BANK1: variants seen among roughly 807,000 people sequenced by gnomAD.
BANK1 encodes the protein B-cell scaffold protein with ankyrin repeats.
Under a neutral mutation model 94.5 loss-of-function variants are expected in BANK1, and 95 were observed. The ratio of observed to expected loss-of-function variants is 1.00; its 90% CI spans 0.85 to 1.19. The LOEUF (loss-of-function observed/expected upper bound fraction) is 1.19. Among genes scored for constraint, BANK1 ranks in the 50% most tolerant of loss-of-function variants. The pLI is 0.00. For synonymous variants in BANK1, 334 were observed against 308.4 expected, an observed-to-expected ratio of 1.08 and a Z score of -0.87; for missense variants, 987 against 932.2, an observed-to-expected ratio of 1.06 and a Z score of -0.77.
intron 5 of BANK1, among the ~76,000 whole-genome samples, chr4:101,877,377 CAG>C (rs1414801372): frequency 1.3e-5 from 2 of 152,140 alleles, no homozygotes; most frequent in Non-Finnish European, 2.9e-5. Flanking sequence ...CAGAGAAACA[CAG>C]AGAACTGTAA....
intron 7 of BANK1, among the ~76,000 whole-genome samples, chr4:101,971,333 G>A (rs1724945297): frequency 6.6e-6 from 1 of 152,032 alleles, no homozygotes. Flanking sequence ...TCTATTTGGT[G>A]GAAATTCTGA....
At chr4:102,038,994 T>C (rs150373338) in intron 10 of BANK1, among the ~76,000 whole-genome samples, 6 of 152,326 alleles carry the variant, frequency 3.9e-5, no homozygotes, top group African/African-American at 1.4e-4. Context: ...TTTTCCTTCA[T>C]GCAGCAGTGT....
At chr4:101,816,430 T>G (rs1725921261) in intron 1 of BANK1, among the ~76,000 whole-genome samples, 1 of 152,200 alleles carries the variant, frequency 6.6e-6, no homozygotes, top group East Asian at 1.9e-4. Context: ...CTCAAATATA[T>G]TACATGAACT....
chr4:101,998,245 C>A (rs1466138063), intron 7 of BANK1, among the ~76,000 whole-genome samples: 1 of 152,152 alleles, frequency 6.6e-6, no homozygotes, highest in Non-Finnish European at 1.5e-5. Flanking sequence ...GTTTCTTAAT[C>A]CTGAGTTCTA....
chr4:101,918,194 G>GTTTTT lies in BANK1; in HGVS notation c.1206+11_1206+15dup. The GTTTTT allele has an allele frequency of 8.5e-7, 1 of 1,173,106 alleles. No homozygotes were observed. Among genetic ancestry groups the GTTTTT allele is most frequent in the Non-Finnish European group, 1.2e-6 (1 of 848,228 alleles). The allele number at this position is 1,173,106 out of a possible 1,614,324, so 72.7% of individuals were successfully genotyped here. A position where few individuals can be genotyped will look rare whatever the true frequency, so the allele number is the denominator to read the frequency against. ...AAAATCTTCGAAGACTTTTCAGTAA[G>GTTTTT]TTTTTTTTTTAAATTATATCTCTGT... On this transcript the variant is annotated splice_donor_region_variant and intron_variant, in intron 7 of 16. Transcript: ENST00000322953.
At chr4:101,929,869 T>G (rs949030691) in intron 7 of BANK1, among the ~76,000 whole-genome samples, 1 of 151,448 alleles carries the variant, frequency 6.6e-6, no homozygotes, top group Non-Finnish European at 1.5e-5. Context: ...TAAAAAAAAT[T>G]TAATTGAAGT....
At chr4:101,993,482 G>A (rs892564811) in intron 7 of BANK1, among the ~76,000 whole-genome samples, 25 of 152,178 alleles carry the variant, frequency 1.6e-4, no homozygotes, top group African/African-American at 5.5e-4. Flanking sequence ...GTAAACTGGG[G>A]CGTGGAGGTA....
At chr4:101,901,893 C>T (rs551402044) in intron 6 of BANK1, among the ~76,000 whole-genome samples, 5 of 152,096 alleles carry the variant, frequency 3.3e-5, no homozygotes, top group African/African-American at 9.6e-5. Context: ...CCTGAGTAGC[C>T]GGGACTACAG....
chr4:101,856,306 C>T (rs754238963), intron 3 of BANK1, among the ~76,000 whole-genome samples: 4 of 152,030 alleles, frequency 2.6e-5, no homozygotes, highest in Non-Finnish European at 5.9e-5. Flanking sequence ...CCTTAGAGAC[C>T]CCAGGAAACG....
chr4:101,820,522 T>C (rs530034814), intron 1 of BANK1, among the ~76,000 whole-genome samples: 1 of 152,328 alleles, frequency 6.6e-6, no homozygotes, highest in African/African-American at 2.4e-5. Context: ...GTTTGTTACA[T>C]AGGTAAACTC....
At chr4:101,938,078 G>A (rs1224210780) in intron 7 of BANK1, among the ~76,000 whole-genome samples, 1 of 151,682 alleles carries the variant, frequency 6.6e-6, no homozygotes, top group Non-Finnish European at 1.5e-5. Flanking sequence ...ATGACACACT[G>A]GGGCCTGTCA....
intron 2 of BANK1, among the ~76,000 whole-genome samples, chr4:101,830,650 T>C (rs1726581579): frequency 6.6e-6 from 1 of 152,214 alleles, no homozygotes; most frequent in African/African-American, 2.4e-5. Flanking sequence ...ATGTAACCTT[T>C]AGATAAAAGA....
At chr4:101,795,649 A>G (rs1356408395) in intron 1 of BANK1, among the ~76,000 whole-genome samples, 1 of 152,200 alleles carries the variant, frequency 6.6e-6, no homozygotes, top group Non-Finnish European at 1.5e-5. Flanking sequence ...ACTATTGTAA[A>G]AAAGTGAGTG....
rs60348489 is a variant in BANK1, at chr4:101,997,785, G to C, written c.1207-23729G>C. On this transcript the variant is annotated intron_variant, in intron 7 of 16. Transcript: ENST00000322953. ...TGGTAATATCCCCTTTGTCATTTTT[G>C]ATTGTGTCTATTTGATTCTTCTCTC... Among the ~76,000 whole-genome samples the C allele has an allele frequency of 9.0e-4, 136 of 151,888 alleles. 1 individual carries two copies. Among genetic ancestry groups the C allele is most frequent in the African/African-American group, 3.1e-3 (128 of 41,468 alleles).
chr4:101,807,945 T>A (rs1725614845), intron 1 of BANK1, among the ~76,000 whole-genome samples: 1 of 151,526 alleles, frequency 6.6e-6, no homozygotes. Flanking sequence ...ATTAGCTGGC[T>A]GTGGTGGCGC....
At chr4:101,864,914 A>G (rs1484463277) in intron 4 of BANK1, among the ~76,000 whole-genome samples, 2 of 152,110 alleles carry the variant, frequency 1.3e-5, no homozygotes, top group Non-Finnish European at 2.9e-5. Context: ...CTCTGAAATG[A>G]GGATCTTTAA....
chr4:101,867,773 A>AATAC (rs1164969320), intron 4 of BANK1, among the ~76,000 whole-genome samples: 1 of 150,388 alleles, frequency 6.6e-6, no homozygotes, highest in Non-Finnish European at 1.5e-5. Flanking sequence ...AATATAAATA[A>AATAC]ATAAATAAAT....
intron 7 of BANK1, among the ~76,000 whole-genome samples, chr4:101,996,603 T>G (rs755696926): frequency 6.6e-6 from 1 of 152,218 alleles, no homozygotes; most frequent in Non-Finnish European, 1.5e-5. Flanking sequence ...CCTTATTTCC[T>G]TGAGCAGTGT....
intron 11 of BANK1, among the ~76,000 whole-genome samples, chr4:102,059,971 C>T (rs563863977): frequency 1.3e-5 from 2 of 152,244 alleles, no homozygotes; most frequent in South Asian, 4.2e-4. Context: ...TTTGCTACTG[C>T]CCTTTCTCTC....
Sources: gnomAD v4.1 joint callset for allele counts (sites outside exome capture counted in the v4.1 genomes callset) on GRCh38, gnomAD v4.1.1 for gene constraint, MANE v1.5 for transcripts, NCBI Gene and HGNC (gene_info 2026-07-23, HGNC 2026-07-21) for gene names.